Variants in CLVS1 observed in about 807,000 individuals in gnomAD.
CLVS1 encodes clavesin 1, also known as clavesin-1.
Under a neutral mutation model 33.1 loss-of-function variants are expected in CLVS1, and 10 were observed. The observed-to-expected ratio is 0.30, with a 90% CI of 0.19 to 0.51. The LOEUF (loss-of-function observed/expected upper bound fraction) is 0.51. CLVS1 is among the 20% of genes least tolerant of loss of function. The pLI is 0.97. For synonymous variants in CLVS1, 163 were observed against 166.1 expected (o/e 0.98, Z 0.14); for missense variants, 343 against 433.4 (o/e 0.79, Z 1.85).
At chr8:61,481,519 G>A (rs1053032042) in intron 5 of CLVS1, among the ~76,000 whole-genome samples, 5 of 152,176 alleles carry the variant, frequency 3.3e-5, no homozygotes, top group Admixed American at 6.5e-5. Flanking sequence ...CTTTTCCAAC[G>A]GCCTTAGCAA....
chr8:61,200,191 T>G (rs1030032263), intron 2 of CLVS1, among the ~76,000 whole-genome samples: 4 of 152,208 alleles, frequency 2.6e-5, no homozygotes. Flanking sequence ...CGATCTCGGC[T>G]CACTGCAACC....
the CLVS1 span, among the ~76,000 whole-genome samples, chr8:61,020,519 A>G: frequency 6.6e-6 from 1 of 152,208 alleles, no homozygotes; most frequent in Non-Finnish European, 1.5e-5. Flanking sequence ...ACTCCAAGAC[A>G]GTTTAAGGTG....
intron 1 of CLVS1, among the ~76,000 whole-genome samples, chr8:61,108,795 A>C (rs1805581215): frequency 6.6e-6 from 1 of 152,196 alleles, no homozygotes; most frequent in African/African-American, 2.4e-5. Context: ...ACATTTCAGA[A>C]GGATCTCTTT....
At chr8:61,166,030 C>CTTTTTTTTTTTTTTTTTT (rs1394098764) in intron 2 of CLVS1, among the ~76,000 whole-genome samples, 1 of 33,932 alleles carries the variant, frequency 2.9e-5, no homozygotes, top group Non-Finnish European at 1.2e-4. Context: ...AGCATCTAAG[C>CTTTTTTTTTTTTTTTTTT]GTTTTTTTTT....
At chr8:61,288,745 G>T (rs1809868684) in intron 1 of CLVS1, among the ~76,000 whole-genome samples, 1 of 152,144 alleles carries the variant, frequency 6.6e-6, no homozygotes, top group Admixed American at 6.5e-5. Context: ...CTGTGTTTCT[G>T]GTTTTCCAAT....
chr8:61,082,075 C>A (rs1805029915), intron 1 of CLVS1, among the ~76,000 whole-genome samples: 1 of 151,774 alleles, frequency 6.6e-6, no homozygotes. Flanking sequence ...GAACAACATG[C>A]AAGAATGGAT....
At chr8:61,244,097 C>T (rs2931357) in intron 2 of CLVS1, among the ~76,000 whole-genome samples, 83,929 of 151,852 alleles carry the variant, frequency 0.55, 25,165 homozygotes, top group East Asian at 0.81. Flanking sequence ...CAGCTGAGGT[C>T]GAACCAAATG....
At chr8:61,005,233 T>C in the CLVS1 span, among the ~76,000 whole-genome samples, 4 of 152,208 alleles carry the variant, frequency 2.6e-5, no homozygotes, top group African/African-American at 9.7e-5. Context: ...CTTCCAAGTT[T>C]CATCTCCGAA....
the CLVS1 span, among the ~76,000 whole-genome samples, chr8:60,988,058 G>A: frequency 1.9e-3 from 288 of 152,312 alleles, 1 homozygote; most frequent in African/African-American, 6.6e-3. Flanking sequence ...CAGATGTGAG[G>A]GAGAGGAGAG....
chr8:61,346,779 C>A (rs1219580365), intron 2 of CLVS1, among the ~76,000 whole-genome samples: 1 of 152,154 alleles, frequency 6.6e-6, no homozygotes, highest in African/African-American at 2.4e-5. Context: ...GACAGTCACA[C>A]AAATAATGTC....
intron 1 of CLVS1, among the ~76,000 whole-genome samples, chr8:61,066,541 T>C (rs1230495038): frequency 6.6e-6 from 1 of 152,136 alleles, no homozygotes; most frequent in African/African-American, 2.4e-5. Context: ...TTGATGGCTA[T>C]AAAATGGCTT....
intron 1 of CLVS1, among the ~76,000 whole-genome samples, chr8:61,094,853 C>G (rs535842452): frequency 3.3e-5 from 5 of 152,304 alleles, no homozygotes; most frequent in Admixed American, 3.3e-4. Context: ...CCTGTTCTTA[C>G]CCACCCGATC....
chr8:60,996,088 A>C, the CLVS1 span, among the ~76,000 whole-genome samples: 1 of 151,986 alleles, frequency 6.6e-6, no homozygotes, highest in Non-Finnish European at 1.5e-5. Context: ...GGTGCAGCGC[A>C]CCAGCATGGC....
chr8:61,416,559 G>T (rs1395427652), intron 3 of CLVS1, among the ~76,000 whole-genome samples: 1 of 152,148 alleles, frequency 6.6e-6, no homozygotes, highest in Non-Finnish European at 1.5e-5. Flanking sequence ...CCATCAAAAA[G>T]AGCAAGAGAA....
chr8:61,416,450 G>A (rs994665185), intron 3 of CLVS1, among the ~76,000 whole-genome samples: 1 of 152,110 alleles, frequency 6.6e-6, no homozygotes, highest in African/African-American at 2.4e-5. Context: ...CTATGTTCAA[G>A]GCCTTCATTC....
At chr8:61,091,252 G>A (rs760901569) in intron 1 of CLVS1, among the ~76,000 whole-genome samples, 10 of 152,170 alleles carry the variant, frequency 6.6e-5, no homozygotes, top group Non-Finnish European at 1.0e-4. Context: ...TCTAGAAGGC[G>A]AAAGAGACAA....
chr8:60,993,278 C>A, the CLVS1 span, among the ~76,000 whole-genome samples: 1 of 152,246 alleles, frequency 6.6e-6, no homozygotes, highest in African/African-American at 2.4e-5. Flanking sequence ...CCACCCTACA[C>A]AATCTAGTCT....
chr8:61,306,137 T>A (rs767062201), intron 2 of CLVS1, among the ~76,000 whole-genome samples: 4 of 152,228 alleles, frequency 2.6e-5, no homozygotes, highest in Non-Finnish European at 5.9e-5. Flanking sequence ...ATCTTTGAAC[T>A]AATTTACAGT....
intron 2 of CLVS1, among the ~76,000 whole-genome samples, chr8:61,157,883 C>A (rs750059498): frequency 6.6e-6 from 1 of 151,894 alleles, no homozygotes; most frequent in Non-Finnish European, 1.5e-5. Context: ...GAATATGAGC[C>A]AATCAGAACT....
Sources: allele counts gnomAD v4.1 joint callset (sites outside exome capture counted in the v4.1 genomes callset), GRCh38; gene constraint gnomAD v4.1.1; transcripts MANE v1.5; gene names NCBI Gene and HGNC (gene_info 2026-07-23, HGNC 2026-07-21).